Variants in BBS9 observed in about 807,000 individuals in gnomAD.
BBS9 encodes the protein Bardet-Biedl syndrome 9, also known as protein PTHB1.
A neutral mutation model predicts 117.7 loss-of-function variants in BBS9; 89 were observed. That is an observed-to-expected ratio of 0.76 (90% CI 0.64 to 0.90). The LOEUF is 0.90. Among genes scored for constraint, BBS9 ranks in the 40% least tolerant of loss-of-function variants. BBS9 has a pLI of 0.00. For missense variants in BBS9, 982 were observed against 1,042.2 expected (o/e 0.94, Z 0.80); for synonymous variants, 379 against 370.9 (o/e 1.02, Z -0.25).
intron 15 of BBS9, among the ~76,000 whole-genome samples, chr7:33,353,657 C>T (rs990746972): frequency 2.0e-5 from 3 of 151,752 alleles, no homozygotes; most frequent in African/African-American, 7.3e-5. Context: ...TTTTAAGATA[C>T]ATTTTAGATA....
rs979998771 is a variant in BBS9 at position 33,604,908 on chromosome 7, A to G, written c.2565A>G (p.Ser855=). 5 of 1,613,734 alleles carry G rather than the reference A, an allele frequency of 3.1e-6. No individual in the cohort carries two copies. Among genetic ancestry groups the G allele is most frequent in the Non-Finnish European group, 4.2e-6 (5 of 1,179,718 alleles). ...TIPESDLEER[S]VEQDSTELFT... is the part of the protein sequence containing the mutation. The stretch of plus-strand genomic sequence containing the variant: ...CAGAGTCAGACCTAGAAGAAAGATC[A>G]GTAGAACAAGACTCTACAGAACTGT... Residue 855 remains serine, a synonymous_variant, in exon 22 of 23, where the codon TCA becomes TCG. Transcript: ENST00000242067.
intron 5 of BBS9, 177 bp downstream of exon 5, chr7:33,177,768 C>T (rs1797541122): frequency 1.7e-6 from 1 of 604,766 alleles, no homozygotes; most frequent in Non-Finnish European, 3.0e-6. Flanking sequence ...CTGAATGTGC[C>T]TGATATCGTC....
chr7:33,545,363 G>T (rs1853135410), intron 21 of BBS9, among the ~76,000 whole-genome samples: 1 of 152,174 alleles, frequency 6.6e-6, no homozygotes, highest in South Asian at 2.1e-4. Context: ...TGGGGACCCA[G>T]TGAGCTCCTA....
At chr7:33,420,280 A>G (rs1409199109) in intron 19 of BBS9, among the ~76,000 whole-genome samples, 1 of 152,152 alleles carries the variant, frequency 6.6e-6, no homozygotes, top group African/African-American at 2.4e-5. Context: ...GAGATAATGG[A>G]TTTGAAGACT....
intron 4 of BBS9, among the ~76,000 whole-genome samples, chr7:33,163,863 C>T (rs1562710295): frequency 6.6e-6 from 1 of 151,912 alleles, no homozygotes; most frequent in African/African-American, 2.4e-5. Context: ...TATTTCTTGC[C>T]TTCTGCTAGC....
At chr7:33,491,425 G>C (rs1843880348) in intron 19 of BBS9, among the ~76,000 whole-genome samples, 1 of 152,114 alleles carries the variant, frequency 6.6e-6, no homozygotes, top group Non-Finnish European at 1.5e-5. Flanking sequence ...TCTATTATTG[G>C]CTCTGCCTCA....
At chr7:33,527,702 C>G (rs560266061) in intron 20 of BBS9, among the ~76,000 whole-genome samples, 11 of 152,216 alleles carry the variant, frequency 7.2e-5, no homozygotes, top group African/African-American at 2.4e-4. Context: ...AGAAATCACC[C>G]GTCTTCTGCG....
intron 9 of BBS9, among the ~76,000 whole-genome samples, chr7:33,280,953 G>C (rs1486135444): frequency 8.6e-6 from 1 of 116,166 alleles, no homozygotes; most frequent in Non-Finnish European, 1.7e-5. Flanking sequence ...GAGAATGTGA[G>C]CCTATATACT....
intron 19 of BBS9, among the ~76,000 whole-genome samples, chr7:33,392,972 T>C (rs1415254213): frequency 6.6e-6 from 1 of 152,100 alleles, no homozygotes; most frequent in African/African-American, 2.4e-5. Context: ...TTGAGATCCC[T>C]ATGAGCAACA....
intron 19 of BBS9, among the ~76,000 whole-genome samples, chr7:33,411,966 A>T (rs1207727306): frequency 6.6e-6 from 1 of 152,192 alleles, no homozygotes; most frequent in African/African-American, 2.4e-5. Context: ...ACCATTGAGG[A>T]TGATTATTTA....
chr7:33,501,789 C>T (rs1845483909), intron 19 of BBS9, among the ~76,000 whole-genome samples: 1 of 152,214 alleles, frequency 6.6e-6, no homozygotes, highest in Non-Finnish European at 1.5e-5. Context: ...TACTCTGTGG[C>T]TCCCCAGTGC....
chr7:33,369,371 CT>C (rs1822431300), intron 17 of BBS9, among the ~76,000 whole-genome samples: 1 of 152,064 alleles, frequency 6.6e-6, no homozygotes, highest in African/African-American at 2.4e-5. Flanking sequence ...TTATTTATAA[CT>C]TTTAATATAA....
rs145298013 is a variant in BBS9 at position 33,420,853 on chromosome 7, T to C, written c.2115+32709T>C. ...ATGCTGGGATTCTTGCCAGGCTCTG[T>C]GTTTGCAACTCCCAAGACATTGCTA... On this transcript the variant is annotated intron_variant, in intron 19 of 22. Transcript: ENST00000242067. 3.0e-4 allele frequency among the ~76,000 whole-genome samples: 45 copies of C among 152,342 alleles called. No individual in the cohort carries two copies. The East Asian group carries it at 7.5e-3, about 25-fold the overall frequency.
At chr7:33,404,238 T>A (rs1829496051) in intron 19 of BBS9, among the ~76,000 whole-genome samples, 1 of 152,134 alleles carries the variant, frequency 6.6e-6, no homozygotes, top group East Asian at 1.9e-4. Flanking sequence ...GCTGTTTTGG[T>A]TACTGTAGCC....
chr7:33,384,711 TGTGTGAGAGA>T, intron 18 of BBS9, among the ~76,000 whole-genome samples: 1 of 140,342 alleles, frequency 7.1e-6, no homozygotes, highest in African/African-American at 2.7e-5. Flanking sequence ...TGTGTGTGTG[TGTGTGAGAGA>T]GAGAGAGAGA....
intron 9 of BBS9, among the ~76,000 whole-genome samples, chr7:33,301,135 A>G (rs1806332824): frequency 6.6e-6 from 1 of 151,930 alleles, no homozygotes; most frequent in African/African-American, 2.4e-5. Context: ...GTGTGTATAT[A>G]TATACACACA....
At chr7:33,144,803 T>C (rs1792075797) in intron 1 of BBS9, among the ~76,000 whole-genome samples, 1 of 152,232 alleles carries the variant, frequency 6.6e-6, no homozygotes, top group South Asian at 2.1e-4. Context: ...ACACATTCAA[T>C]AGAAACCATA....
At chr7:33,631,520 G>T (rs945795396) in intron 21 of BBS9, among the ~76,000 whole-genome samples, 10 of 152,182 alleles carry the variant, frequency 6.6e-5, no homozygotes, top group African/African-American at 2.2e-4. Context: ...TGAAGTGGAG[G>T]AACATGTGTG....
intron 4 of BBS9, among the ~76,000 whole-genome samples, chr7:33,156,462 T>G (rs185811304): frequency 8.1e-4 from 123 of 152,308 alleles, no homozygotes; most frequent in African/African-American, 2.8e-3. Flanking sequence ...GCTGTAAATG[T>G]TACCTTCTAG....
Sources: gnomAD v4.1 joint callset for allele counts (sites outside exome capture counted in the v4.1 genomes callset) on GRCh38, gnomAD v4.1.1 for gene constraint, MANE v1.5 for transcripts, NCBI Gene and HGNC (gene_info 2026-07-23, HGNC 2026-07-21) for gene names.